Variants in SMAD5 observed in about 807,000 individuals in gnomAD.
SMAD5 encodes the protein SMAD family member 5.
Under a neutral mutation model 43.1 loss-of-function variants are expected in SMAD5, and 9 were observed. The observed-to-expected ratio is 0.21, with a 90% CI of 0.13 to 0.36. The LOEUF is 0.36. SMAD5 is among the 10% of genes least tolerant of loss of function. The pLI is 1.00. For missense variants in SMAD5, 348 were observed against 574.0 expected (o/e 0.61, Z 4.02); for synonymous variants, 190 against 192.4 (o/e 0.99, Z 0.10).
At chr5:136,166,380 C>G (rs1754013829) in intron 5 of SMAD5, among the ~76,000 whole-genome samples, 1 of 152,018 alleles carries the variant, frequency 6.6e-6, no homozygotes, top group Non-Finnish European at 1.5e-5. Flanking sequence ...ATTGAGTGCT[C>G]TGTATTCCTA....
chr5:136,148,832 C>G (rs531400673), intron 2 of SMAD5, among the ~76,000 whole-genome samples: 1 of 151,718 alleles, frequency 6.6e-6, no homozygotes, highest in Non-Finnish European at 1.5e-5. Flanking sequence ...GAGGGAGACA[C>G]TTGTGAATAG....
intron 3 of SMAD5, among the ~76,000 whole-genome samples, chr5:136,159,898 G>A (rs1236281175): frequency 6.6e-6 from 1 of 152,178 alleles, no homozygotes; most frequent in Non-Finnish European, 1.5e-5. Context: ...AACTCATTTT[G>A]TTGATGCTGA....
Position 136,177,600 on chromosome 5 carries a change from A to G in SMAD5, c.*120A>G. 1 of 718,968 alleles carries G rather than the reference A, an allele frequency of 1.4e-6. No individual in the cohort carries two copies. Among genetic ancestry groups the G allele is most frequent in the Non-Finnish European group, 2.2e-6 (1 of 444,912 alleles). 44.5% of individuals were successfully genotyped at this position (718,968 alleles called of 1,614,324 possible). Reference sequence around the variant, plus strand: ...GATATTACAGCTTATTTTTTTCTACATAATTGTGACCAATACATTTGTATT... The same window carrying G: ...GATATTACAGCTTATTTTTTTCTACGTAATTGTGACCAATACATTTGTATT... On this transcript the variant is annotated 3_prime_UTR_variant, in exon 8 of 8. Transcript: ENST00000545279.
chr5:136,137,491 C>T (rs35922347), intron 1 of SMAD5, among the ~76,000 whole-genome samples: 14,475 of 152,118 alleles, frequency 0.095, 822 homozygotes, highest in East Asian at 0.27. Flanking sequence ...AGGCTTACAT[C>T]TTTCAAATTT....
chr5:136,165,662 ATTTTTTTTTTTTTTTTTTTTTTTTT>A (rs58156387), intron 5 of SMAD5, among the ~76,000 whole-genome samples: 1 of 65,456 alleles, frequency 1.5e-5, no homozygotes, highest in African/African-American at 5.5e-5. Context: ...GAATCATACA[ATTTTTTTTTTTTTTTTTTTTTTTTT>A]TTTTTTTTTT....
chr5:136,160,042 G>C (rs1018415052), intron 3 of SMAD5, among the ~76,000 whole-genome samples: 5 of 152,210 alleles, frequency 3.3e-5, no homozygotes, highest in Non-Finnish European at 7.3e-5. Flanking sequence ...AAGGTAATCA[G>C]ATATTTGAAT....
chr5:136,149,839 GTGAGATT>G (rs1369578758), intron 2 of SMAD5, among the ~76,000 whole-genome samples: 4 of 151,854 alleles, frequency 2.6e-5, no homozygotes, highest in Non-Finnish European at 5.9e-5. Context: ...AGAGTTGAGT[GTGAGATT>G]TGCTCCTCTC....
intron 3 of SMAD5, among the ~76,000 whole-genome samples, chr5:136,158,792 G>C (rs970235815): frequency 3.3e-5 from 5 of 152,112 alleles, no homozygotes; most frequent in African/African-American, 1.2e-4. Flanking sequence ...TCAGCTACTC[G>C]GGAGGCTGAG....
intron 6 of SMAD5, chr5:136,172,973 G>T (rs1176646722): frequency 3.1e-6 from 1 of 319,320 alleles, no homozygotes; most frequent in East Asian, 6.9e-5. Context: ...GTAGCTAGAA[G>T]AGTGCCTCAT....
In SMAD5 at chr5:136,177,597, T is replaced by C; in HGVS notation, c.*117T>C. 1 of 736,928 alleles carries C rather than the reference T, an allele frequency of 1.4e-6. No homozygotes were observed. The highest frequency in any genetic ancestry group is 2.2e-6 in the Non-Finnish European group (1 of 460,758). The allele number at this position is 736,928 out of a possible 1,614,324, so 45.6% of individuals were successfully genotyped here. On this transcript the variant is annotated 3_prime_UTR_variant, in exon 8 of 8. Coordinates refer to ENST00000545279, the MANE Select transcript of SMAD5 (RefSeq NM_005903.7). The stretch of plus-strand genomic sequence containing the variant: ...ACAGATATTACAGCTTATTTTTTTC[T>C]ACATAATTGTGACCAATACATTTGT...
At position 136,161,052 on chromosome 5, in the gene SMAD5, C is replaced by T. The variant is rs1287323449; in HGVS notation, c.600C>T (p.Ser200=). The part of the protein sequence containing the change: ...NSPYPPSPAS[S]TYPNSPASSG... ...CTTATCCCCCTTCTCCTGCTAGCAG[C>T]ACATATCCCAACTCCCCAGCAAGTT... The change falls in exon 4 of 8, where the codon AGC becomes AGT. Residue 200 remains serine, a synonymous_variant. Transcript: ENST00000545279. The T allele has an allele frequency of 5.0e-6, 8 of 1,613,582 alleles. No homozygotes were observed. The highest frequency in any genetic ancestry group is 2.7e-5 in the African/African-American group (2 of 74,804).
At chr5:136,135,629 A>G (rs534202574) in intron 1 of SMAD5, among the ~76,000 whole-genome samples, 73 of 152,280 alleles carry the variant, frequency 4.8e-4, no homozygotes, top group Middle Eastern at 3.4e-3. Flanking sequence ...CTTTATGTAA[A>G]TTTTAATATT....
At chr5:136,139,128 CTGTGTGTGTGTG>C (rs57433582) in intron 1 of SMAD5, among the ~76,000 whole-genome samples, 2 of 140,374 alleles carry the variant, frequency 1.4e-5, no homozygotes, top group East Asian at 2.0e-4. Context: ...GCTGTGAGCT[CTGTGTGTGTGTG>C]TGTGTGTGTG....
chr5:136,167,134 C>A (rs1228860406), intron 5 of SMAD5, among the ~76,000 whole-genome samples: 1 of 151,696 alleles, frequency 6.6e-6, no homozygotes, highest in Non-Finnish European at 1.5e-5. Flanking sequence ...TCCTCTTTTC[C>A]TTTTAACCAA....
At chr5:136,164,070 G>A (rs978949263) in intron 5 of SMAD5, among the ~76,000 whole-genome samples, 1 of 152,172 alleles carries the variant, frequency 6.6e-6, no homozygotes, top group African/African-American at 2.4e-5. Flanking sequence ...GCAGATGCCT[G>A]TAATCCCAGC....
At chr5:136,161,288 G>A (rs569347758) in intron 4 of SMAD5, among the ~76,000 whole-genome samples, 181 bp downstream of exon 4, 3 of 152,082 alleles carry the variant, frequency 2.0e-5, no homozygotes, top group African/African-American at 4.8e-5. Flanking sequence ...GCCAATTACC[G>A]TATGTTTAAA....
At chr5:136,159,414 C>CT (rs1329522724) in intron 3 of SMAD5, among the ~76,000 whole-genome samples, 6 of 152,104 alleles carry the variant, frequency 3.9e-5, no homozygotes, top group African/African-American at 1.4e-4. Flanking sequence ...GTTATAATCT[C>CT]TAATAGCATG....
At chr5:136,143,231 T>C (rs138722179) in intron 1 of SMAD5, among the ~76,000 whole-genome samples, 1 of 152,162 alleles carries the variant, frequency 6.6e-6, no homozygotes, top group African/African-American at 2.4e-5. Flanking sequence ...CTTTTCTAGT[T>C]AGGCTTCTGT....
In SMAD5 at chr5:136,182,377, G is replaced by A. The variant is rs1287017309; in HGVS notation, c.*4897G>A. 2.6e-5 allele frequency: 4 copies of A among 152,094 alleles called. No homozygotes were observed. The highest frequency in any genetic ancestry group is 5.9e-5 in the Non-Finnish European group (4 of 67,982). 9.4% of individuals were successfully genotyped at this position (152,094 alleles called of 1,614,324 possible). On this transcript the variant is annotated 3_prime_UTR_variant, in exon 8 of 8. Transcript: ENST00000545279. ...GCAAGTGATTTTTTTTTTAAATATG[G>A]TTGGCGTAAGTTGTATTTTGAAATT...
Sources: gnomAD v4.1 joint callset for allele counts (sites outside exome capture counted in the v4.1 genomes callset) on GRCh38, gnomAD v4.1.1 for gene constraint, MANE v1.5 for transcripts, NCBI Gene and HGNC (gene_info 2026-07-23, HGNC 2026-07-21) for gene names.